Variants in THSD7A observed in about 807,000 individuals in gnomAD.
THSD7A encodes thrombospondin type 1 domain containing 7A.
A neutral mutation model predicts 231.3 loss-of-function variants in THSD7A; 96 were observed. The ratio of observed to expected loss-of-function variants is 0.41; its 90% CI spans 0.35 to 0.49. THSD7A has a LOEUF of 0.49. Among genes scored for constraint, THSD7A ranks in the 20% least tolerant of loss-of-function variants. The pLI, the probability that THSD7A is intolerant of heterozygous loss-of-function variation, is 0.05. For synonymous variants in THSD7A, 940 were observed against 743.3 expected (o/e 1.26, Z -4.30); for missense variants, 2,290 against 2,070.2 (o/e 1.11, Z -2.06).
At chr7:11,816,244 C>T (rs995834276) in intron 1 of THSD7A, among the ~76,000 whole-genome samples, 3 of 152,154 alleles carry the variant, frequency 2.0e-5, no homozygotes, top group African/African-American at 7.2e-5. Context: ...GCCAATTTTC[C>T]TCAGTTGAAT....
chr7:11,490,773 C>T (rs2128307452), intron 6 of THSD7A, among the ~76,000 whole-genome samples: 1 of 152,122 alleles, frequency 6.6e-6, no homozygotes, highest in South Asian at 2.1e-4. Context: ...GTAACTAGTT[C>T]AAATTCTGGC....
chr7:11,733,612 G>A (rs1007376524), intron 1 of THSD7A, among the ~76,000 whole-genome samples: 1 of 151,718 alleles, frequency 6.6e-6, no homozygotes, highest in African/African-American at 2.4e-5. Context: ...AAGAGGCAGC[G>A]TCTACACAGA....
At chr7:11,573,107 T>C (rs531233075) in intron 4 of THSD7A, among the ~76,000 whole-genome samples, 1 of 152,176 alleles carries the variant, frequency 6.6e-6, no homozygotes, top group African/African-American at 2.4e-5. Flanking sequence ...TCTGGGACCA[T>C]AGTCTTTCTG....
chr7:11,647,065 T>A (rs1782311169), intron 1 of THSD7A, among the ~76,000 whole-genome samples: 1 of 152,056 alleles, frequency 6.6e-6, no homozygotes, highest in South Asian at 2.1e-4. Context: ...CTTCTTTGAC[T>A]CCTGTTCCTC....
intron 4 of THSD7A, among the ~76,000 whole-genome samples, chr7:11,544,238 A>G (rs1789278069): frequency 6.6e-6 from 1 of 152,102 alleles, no homozygotes; most frequent in South Asian, 2.1e-4. Context: ...GCTACTTGGG[A>G]GGCTGAGGCA....
intron 4 of THSD7A, among the ~76,000 whole-genome samples, chr7:11,562,116 G>A (rs1393761051): frequency 1.3e-5 from 2 of 152,144 alleles, no homozygotes; most frequent in African/African-American, 4.8e-5. Context: ...ATCTGGTAGA[G>A]ATATTCATCT....
chr7:11,581,128 C>T (rs1417260969), intron 4 of THSD7A, among the ~76,000 whole-genome samples: 1 of 151,984 alleles, frequency 6.6e-6, no homozygotes, highest in African/African-American at 2.4e-5. Flanking sequence ...CCAACATACA[C>T]ATTTAATCTT....
At chr7:11,629,062 A>C (rs1388108511) in intron 2 of THSD7A, among the ~76,000 whole-genome samples, 2 of 152,194 alleles carry the variant, frequency 1.3e-5, no homozygotes, top group Non-Finnish European at 2.9e-5. Context: ...TGCTGGATAC[A>C]GGCAGGAGCC....
At chr7:11,535,285 T>G (rs972787032) in intron 6 of THSD7A, among the ~76,000 whole-genome samples, 1 of 152,104 alleles carries the variant, frequency 6.6e-6, no homozygotes, top group African/African-American at 2.4e-5. Context: ...TAAAAAAGTA[T>G]TTTTTACTAA....
chr7:11,670,897 T>C, intron 1 of THSD7A, among the ~76,000 whole-genome samples: 1 of 152,212 alleles, frequency 6.6e-6, no homozygotes, highest in African/African-American at 2.4e-5. Flanking sequence ...GCTAAATGCT[T>C]ACATTTTCTT....
At chr7:11,777,214 G>C (rs756981652) in intron 1 of THSD7A, among the ~76,000 whole-genome samples, 2 of 152,048 alleles carry the variant, frequency 1.3e-5, no homozygotes, top group Non-Finnish European at 2.9e-5. Flanking sequence ...GGCATAAGGG[G>C]ACATTTGGTG....
Position 11,831,671 on chromosome 7 carries a change from G to A in THSD7A, c.190+86C>T. 9.6e-7 allele frequency: 1 copy of A among 1,037,858 alleles called. No individual in the cohort carries two copies. Among genetic ancestry groups the A allele is most frequent in the Non-Finnish European group, 1.3e-6 (1 of 798,208 alleles). 64.3% of individuals were successfully genotyped at this position (1,037,858 alleles called of 1,614,324 possible). ...ACCAGCATAACCAAGCCATCCAAAA[G>A]CACCGGGGTCCCTACAGAAGCCCAC... On this transcript the variant is annotated intron_variant, in intron 1 of 27. Coordinates refer to ENST00000423059, the MANE Select transcript of THSD7A (RefSeq NM_015204.3). This position sits in a 1 kb window ranked among gnomAD's most constrained non-coding sequence, Gnocchi z 5.0.
Position 11,417,578 on chromosome 7 carries a change from G to A in THSD7A, c.3409C>T (p.Pro1137Ser). Residue 1137 changes from proline to serine, a missense_variant, in exon 17 of 28, where the codon CCT (proline) becomes TCT (serine). Coordinates refer to ENST00000423059, the MANE Select transcript of THSD7A (RefSeq NM_015204.3). ...AGGTAATCCTCTACATGTTCAGAAG[G>A]GCCATCTGCTGTATTCTGCATGCAT... ...VRCMQNTADGPSEHVEDYLCD... is the reference protein window; with the variant it reads ...VRCMQNTADGSSEHVEDYLCD... 2 of 1,612,344 alleles carry A rather than the reference G, an allele frequency of 1.2e-6. No individual in the cohort carries two copies. The highest frequency in any genetic ancestry group is 1.7e-6 in the Non-Finnish European group (2 of 1,179,432).
chr7:11,762,386 T>C lies in THSD7A; in HGVS notation c.190+69371A>G, dbSNP rs550161732. Among the ~76,000 whole-genome samples, 4 of 152,238 alleles carry C rather than the reference T, an allele frequency of 2.6e-5. No homozygotes were observed. The South Asian group carries it at 8.3e-4, about 32-fold the overall frequency. On this transcript the variant is annotated intron_variant, in intron 1 of 27. Transcript: ENST00000423059. ...GTCTAGGCGGTTCCTTTCTTATTCA[T>C]CCTAGCTATGATTTATTATTTTTGA... is the stretch of plus-strand genomic sequence containing the variant.
At chr7:11,739,004 G>A (rs894746210) in intron 1 of THSD7A, among the ~76,000 whole-genome samples, 6 of 151,980 alleles carry the variant, frequency 3.9e-5, no homozygotes, top group Admixed American at 3.3e-4. Context: ...TCATAGTGAC[G>A]TTTAGAGGAA....
intron 1 of THSD7A, among the ~76,000 whole-genome samples, chr7:11,713,982 A>G (rs1273653426): frequency 6.6e-6 from 1 of 151,270 alleles, no homozygotes; most frequent in Non-Finnish European, 1.5e-5. Flanking sequence ...AAAGGAAAAA[A>G]CATCAGAGTG....
chr7:11,603,366 A>T (rs1186654187), intron 2 of THSD7A, among the ~76,000 whole-genome samples: 2 of 152,020 alleles, frequency 1.3e-5, no homozygotes, highest in African/African-American at 4.8e-5. Flanking sequence ...ATCATTAAAA[A>T]GTCAGGAACC....
At chr7:11,791,949 T>C (rs906395301) in intron 1 of THSD7A, among the ~76,000 whole-genome samples, 8 of 151,900 alleles carry the variant, frequency 5.3e-5, no homozygotes, top group Admixed American at 1.3e-4. Flanking sequence ...TTTCTGGTGA[T>C]CTATTCATTC....
chr7:11,533,787 TA>T (rs1234525525), intron 6 of THSD7A, among the ~76,000 whole-genome samples: 1 of 152,218 alleles, frequency 6.6e-6, no homozygotes, highest in East Asian at 1.9e-4. Flanking sequence ...ATGCAGGACT[TA>T]AAACCTAGGT....
Sources: allele counts gnomAD v4.1 joint callset (sites outside exome capture counted in the v4.1 genomes callset), GRCh38; gene constraint gnomAD v4.1.1; non-coding constraint Gnocchi (gnomAD v3.1); transcripts MANE v1.5; gene names NCBI Gene and HGNC (gene_info 2026-07-23, HGNC 2026-07-21).